Variants in MACROD2 observed in about 807,000 individuals in gnomAD.
MACROD2 encodes the protein mono-ADP ribosylhydrolase 2, also known as ADP-ribose glycohydrolase MACROD2.
Under a neutral mutation model 70.4 loss-of-function variants are expected in MACROD2, and 36 were observed. The ratio of observed to expected loss-of-function variants is 0.51; its 90% CI spans 0.39 to 0.68. MACROD2 has a LOEUF of 0.68. Among genes scored for constraint, MACROD2 ranks in the 30% least tolerant of loss-of-function variants. The pLI is 0.00. For missense variants in MACROD2, 496 were observed against 538.4 expected (o/e 0.92, Z 0.78); for synonymous variants, 172 against 178.8 (o/e 0.96, Z 0.30).
At chr20:15,887,967 T>A (rs575317582) in intron 10 of MACROD2, among the ~76,000 whole-genome samples, 1 of 152,258 alleles carries the variant, frequency 6.6e-6, no homozygotes, top group Non-Finnish European at 1.5e-5. Context: ...GCTACAGTAT[T>A]GGACAACACT....
intron 2 of MACROD2, among the ~76,000 whole-genome samples, chr20:14,006,132 A>AGCC (rs2052816125): frequency 6.6e-6 from 1 of 152,192 alleles, no homozygotes; most frequent in Non-Finnish European, 1.5e-5. Context: ...AACATGCTGT[A>AGCC]TGGGTTTTAG....
chr20:14,791,938 G>A lies in MACROD2; in HGVS notation c.418+106979G>A, dbSNP rs115377532. ...AATCCATTTATTGATTATTGTTGAT[G>A]TTGATATCATTGAAAATTTTACAAA... On this transcript the variant is annotated intron_variant, in intron 5 of 17. Coordinates refer to ENST00000684519, the MANE Select transcript of MACROD2 (RefSeq NM_001351661.2). Among the ~76,000 whole-genome samples, 167 of 151,642 alleles carry A rather than the reference G, an allele frequency of 1.1e-3. 3 individuals carry two copies. The highest frequency in any genetic ancestry group is 3.7e-3 in the African/African-American group (152 of 41,268).
intron 7 of MACROD2, among the ~76,000 whole-genome samples, chr20:15,481,696 A>C (rs544078442): frequency 1.4e-4 from 21 of 152,270 alleles, no homozygotes; most frequent in South Asian, 1.2e-3. Flanking sequence ...AAAAAAAAAA[A>C]ACTAATATTT....
chr20:14,309,118 A>G (rs2082544553), intron 3 of MACROD2, among the ~76,000 whole-genome samples: 2 of 152,124 alleles, frequency 1.3e-5, no homozygotes, highest in South Asian at 4.1e-4. Flanking sequence ...GAAGATCTAC[A>G]TTTGGAAATG....
At chr20:15,194,474 G>C (rs373961155) in intron 5 of MACROD2, among the ~76,000 whole-genome samples, 52 of 151,876 alleles carry the variant, frequency 3.4e-4, no homozygotes, top group East Asian at 3.3e-3. Context: ...CTTACAGAAG[G>C]GTTGTAAAAA....
chr20:14,936,360 A>T (rs886073156), intron 5 of MACROD2, among the ~76,000 whole-genome samples: 3 of 152,274 alleles, frequency 2.0e-5, no homozygotes, highest in Admixed American at 6.5e-5. Context: ...ACTTGTCCTT[A>T]TTGATTGTGT....
chr20:14,066,443 G>A (rs1207441591), intron 2 of MACROD2, among the ~76,000 whole-genome samples: 2 of 152,180 alleles, frequency 1.3e-5, no homozygotes, highest in Non-Finnish European at 2.9e-5. Flanking sequence ...AGTCTTGAAA[G>A]TCTGTCCATT....
chr20:15,799,792 T>G (rs1329286075), intron 8 of MACROD2, among the ~76,000 whole-genome samples: 1 of 152,242 alleles, frequency 6.6e-6, no homozygotes, highest in Admixed American at 6.5e-5. Context: ...TTTCCTTTCC[T>G]TTTGATAAGT....
intron 5 of MACROD2, among the ~76,000 whole-genome samples, chr20:14,854,161 G>C (rs748457648): frequency 1.1e-4 from 16 of 152,106 alleles, no homozygotes; most frequent in African/African-American, 3.9e-4. Context: ...AGAGAATGTC[G>C]ATAGCTTTCT....
chr20:15,084,396 T>G (rs969409391), intron 5 of MACROD2, among the ~76,000 whole-genome samples: 1 of 152,070 alleles, frequency 6.6e-6, no homozygotes, highest in Admixed American at 6.6e-5. Context: ...TCTCTCTTGC[T>G]TTTCCTCTTC....
chr20:15,298,791 C>T (rs1242004364), intron 6 of MACROD2, among the ~76,000 whole-genome samples: 2 of 152,082 alleles, frequency 1.3e-5, no homozygotes, highest in Non-Finnish European at 2.9e-5. Context: ...CCAGGTGCCT[C>T]CTATATGCCA....
At chr20:15,190,359 G>A (rs2076562159) in intron 5 of MACROD2, among the ~76,000 whole-genome samples, 2 of 152,260 alleles carry the variant, frequency 1.3e-5, no homozygotes, top group African/African-American at 4.8e-5. Context: ...TGGCTCAGCA[G>A]ATGAGCTCAG....
intron 8 of MACROD2, among the ~76,000 whole-genome samples, chr20:15,700,631 A>T (rs2050443769): frequency 6.6e-6 from 1 of 152,198 alleles, no homozygotes; most frequent in South Asian, 2.1e-4. Context: ...TAGCTTGGCC[A>T]AGTTAATTAA....
At chr20:14,832,520 A>C (rs2072982914) in intron 5 of MACROD2, among the ~76,000 whole-genome samples, 2 of 152,046 alleles carry the variant, frequency 1.3e-5, no homozygotes. Context: ...AGGGACCTTC[A>C]GAAAGAGCCA....
At chr20:15,560,762 C>CAAAAAAAA (rs71190190) in intron 8 of MACROD2, among the ~76,000 whole-genome samples, 4 of 22,084 alleles carry the variant, frequency 1.8e-4, no homozygotes, top group East Asian at 1.1e-3. Context: ...AACAAAGTCT[C>CAAAAAAAA]AAAAAAAAAA....
intron 15 of MACROD2, among the ~76,000 whole-genome samples, chr20:15,994,660 T>A (rs4813205): frequency 0.27 from 41,444 of 152,006 alleles, 5,788 homozygotes; most frequent in South Asian, 0.35. Flanking sequence ...GGCTTGTAAG[T>A]CTCTTAAGAC....
At chr20:14,490,340 G>T (rs943734418) in intron 3 of MACROD2, among the ~76,000 whole-genome samples, 15 of 152,058 alleles carry the variant, frequency 9.9e-5, no homozygotes, top group African/African-American at 3.6e-4. Context: ...TTCATTTTGT[G>T]TTCATGTTGT....
chr20:14,722,870 TAGATAATGTTTATATC>T (rs575797478), intron 5 of MACROD2, among the ~76,000 whole-genome samples: 28 of 152,340 alleles, frequency 1.8e-4, no homozygotes, highest in Middle Eastern at 3.4e-3. Flanking sequence ...CTGCCAAAGA[TAGATAATGTTTATATC>T]AGACAAAAAA....
intron 4 of MACROD2, among the ~76,000 whole-genome samples, chr20:14,648,448 T>G (rs1448920552): frequency 6.6e-6 from 1 of 152,134 alleles, no homozygotes; most frequent in Non-Finnish European, 1.5e-5. Context: ...TTGGAAAAAG[T>G]CAACAAAGTA....
Sources: allele counts gnomAD v4.1 joint callset (sites outside exome capture counted in the v4.1 genomes callset), GRCh38; gene constraint gnomAD v4.1.1; transcripts MANE v1.5; gene names NCBI Gene and HGNC (gene_info 2026-07-23, HGNC 2026-07-21).